The following UQCC1 variants were observed in gnomAD, a reference collection of about 807,000 sequenced individuals.
UQCC1 encodes bFGF-repressed Zic-binding protein.
In UQCC1, 38 loss-of-function variants were observed where a neutral mutation model predicts 48.0. The observed-to-expected ratio is 0.79, with a 90% CI of 0.61 to 1.04. UQCC1 has a LOEUF of 1.04. Ranked by LOEUF, UQCC1 falls within the 50% of genes least tolerant of loss-of-function variation. The pLI, the probability that UQCC1 is intolerant of heterozygous loss-of-function variation, is 0.00. For missense variants in UQCC1, 368 were observed against 381.8 expected, an observed-to-expected ratio of 0.96 and a Z score of 0.30; for synonymous variants, 111 against 129.2, an observed-to-expected ratio of 0.86 and a Z score of 0.95.
chr20:35,366,283 G>A (rs947322903), intron 6 of UQCC1, among the ~76,000 whole-genome samples: 2 of 152,186 alleles, frequency 1.3e-5, no homozygotes, highest in African/African-American at 4.8e-5. Context: ...TTCCATCCAA[G>A]CTCATAGAGT....
chr20:35,344,494 T>C (rs1299922133), intron 7 of UQCC1: 2 of 152,246 alleles, frequency 1.3e-5, no homozygotes, highest in Non-Finnish European at 2.9e-5. Flanking sequence ...GAAGAGCTAC[T>C]GCGCAACTGC....
intron 9 of UQCC1, among the ~76,000 whole-genome samples, chr20:35,305,451 G>C (rs977271659): frequency 6.6e-6 from 1 of 152,216 alleles, no homozygotes; most frequent in Non-Finnish European, 1.5e-5. Context: ...CATGGCAGAT[G>C]GAAATGTTGG....
chr20:35,335,377 A>T (rs1026314481), intron 7 of UQCC1, among the ~76,000 whole-genome samples: 1 of 152,162 alleles, frequency 6.6e-6, no homozygotes, highest in Admixed American at 6.5e-5. Flanking sequence ...TTAACTGATT[A>T]ATAGATTTTT....
intron 5 of UQCC1, among the ~76,000 whole-genome samples, chr20:35,370,638 G>A (rs2061720066): frequency 6.6e-6 from 1 of 152,108 alleles, no homozygotes; most frequent in African/African-American, 2.4e-5. Context: ...GAAGAGTAGC[G>A]TTACTAAAAA....
At chr20:35,304,924 G>A (rs1391281903) in intron 9 of UQCC1, among the ~76,000 whole-genome samples, 1 of 152,064 alleles carries the variant, frequency 6.6e-6, no homozygotes, top group Non-Finnish European at 1.5e-5. Flanking sequence ...CTTCCCTAAA[G>A]CCCACTCCTC....
chr20:35,397,574 T>C (rs1321733203), intron 1 of UQCC1, among the ~76,000 whole-genome samples: 2 of 150,238 alleles, frequency 1.3e-5, no homozygotes, highest in Non-Finnish European at 3.0e-5. Flanking sequence ...ATACTAAACA[T>C]GTAGACTTTT....
At chr20:35,407,630 A>G (rs960618865) in intron 1 of UQCC1, among the ~76,000 whole-genome samples, 2 of 152,206 alleles carry the variant, frequency 1.3e-5, no homozygotes, top group African/African-American at 4.8e-5. Flanking sequence ...TCATGCCTGT[A>G]ATCCTTGCAC....
chr20:35,362,981 C>T (rs757769800), intron 6 of UQCC1, among the ~76,000 whole-genome samples: 2 of 150,474 alleles, frequency 1.3e-5, no homozygotes, highest in Middle Eastern at 3.4e-3. Context: ...TTCCTTCCCC[C>T]TTCTTTCTTT....
rs116639585 is a variant in UQCC1 at position 35,388,036 on chromosome 20, G to A, written c.130-3903C>T. ...TCTCGCTGTGCCCAGGCTGGAATGC[G>A]GTGGCATGATCTCGGCTCACTACAA... is the stretch of plus-strand genomic sequence containing the variant. On this transcript the variant is annotated intron_variant, in intron 2 of 9. Coordinates refer to ENST00000374385, the MANE Select transcript of UQCC1 (RefSeq NM_018244.5). Among the ~76,000 whole-genome samples, 1,031 of 151,026 alleles carry A rather than the reference G, an allele frequency of 6.8e-3. 13 individuals carry two copies. Among genetic ancestry groups the A allele is most frequent in the African/African-American group, 0.024 (984 of 41,098 alleles).
chr20:35,406,889 A>G (rs1406929125), intron 1 of UQCC1, among the ~76,000 whole-genome samples: 1 of 152,212 alleles, frequency 6.6e-6, no homozygotes. Flanking sequence ...TATTACTGAA[A>G]TGAAGTTCGT....
At chr20:35,324,519 G>T (rs192150080) in intron 7 of UQCC1, among the ~76,000 whole-genome samples, 1 of 152,078 alleles carries the variant, frequency 6.6e-6, no homozygotes, top group Non-Finnish European at 1.5e-5. Flanking sequence ...GTAGAGACGG[G>T]GTTTCACCGT....
intron 7 of UQCC1, among the ~76,000 whole-genome samples, chr20:35,334,289 A>G (rs1164522193): frequency 6.6e-6 from 1 of 152,226 alleles, no homozygotes. Flanking sequence ...GTTACTACTC[A>G]GATCCTTAAG....
rs185870729 is a variant in UQCC1 at position 35,403,571 on chromosome 20, G to A, written c.24+8369C>T. The stretch of plus-strand genomic sequence containing the variant: ...ACATCCCATTACTGGGTATATGCCC[G>A]AAGGATTATAAATCATGCTGCTATA... On this transcript the variant is annotated intron_variant, in intron 1 of 9. Coordinates refer to ENST00000374385, the MANE Select transcript of UQCC1 (RefSeq NM_018244.5). Among the ~76,000 whole-genome samples the A allele has an allele frequency of 6.8e-3, 1,042 of 152,226 alleles. 16 individuals are homozygous for A. Among genetic ancestry groups the A allele is most frequent in the African/African-American group, 0.024 (995 of 41,522 alleles).
chr20:35,405,856 T>C lies in UQCC1; in HGVS notation c.24+6084A>G, dbSNP rs557163776. ...TGAGCCAAGATGGCACCAAAGAGAA[T>C]ATCAACAGAAAGAGAAGTTATTTTT... On this transcript the variant is annotated intron_variant, in intron 1 of 9. Coordinates refer to ENST00000374385, the MANE Select transcript of UQCC1 (RefSeq NM_018244.5). Among the ~76,000 whole-genome samples the C allele has an allele frequency of 1.8e-4, 28 of 152,222 alleles. 1 individual carries two copies. Among genetic ancestry groups the C allele is most frequent in the African/African-American group, 6.5e-4 (27 of 41,550 alleles).
chr20:35,393,952 C>G, intron 2 of UQCC1, 140 bp downstream of exon 2: 1 of 718,010 alleles, frequency 1.4e-6, no homozygotes. Context: ...GGAATCAGTC[C>G]TAAGTTGGCA....
chr20:35,380,212 G>C (rs906731926), intron 4 of UQCC1, among the ~76,000 whole-genome samples: 9 of 151,858 alleles, frequency 5.9e-5, no homozygotes, highest in Non-Finnish European at 7.4e-5. Context: ...TTTTTTAATA[G>C]GGGAAAAGAT....
chr20:35,345,621 T>C (rs1160086891), intron 7 of UQCC1: 1 of 152,182 alleles, frequency 6.6e-6, no homozygotes, highest in Non-Finnish European at 1.5e-5. Context: ...AACTCAAAAA[T>C]GGTTACTTTT....
At chr20:35,408,715 C>A (rs1222567143) in intron 1 of UQCC1, among the ~76,000 whole-genome samples, 1 of 151,198 alleles carries the variant, frequency 6.6e-6, no homozygotes, top group Non-Finnish European at 1.5e-5. Context: ...AGTAGCCAGG[C>A]GTGGTGGCAC....
chr20:35,392,792 A>T (rs1371529044), intron 2 of UQCC1, among the ~76,000 whole-genome samples: 1 of 151,812 alleles, frequency 6.6e-6, no homozygotes, highest in African/African-American at 2.4e-5. Flanking sequence ...ATTTTTAAGT[A>T]GATTATATAT....
Sources: gnomAD v4.1 joint callset for allele counts (sites outside exome capture counted in the v4.1 genomes callset) on GRCh38, gnomAD v4.1.1 for gene constraint, MANE v1.5 for transcripts, NCBI Gene and HGNC (gene_info 2026-07-23, HGNC 2026-07-21) for gene names.